LOXHD1: variants seen among roughly 807,000 people sequenced by gnomAD.
LOXHD1 encodes the protein lipoxygenase homology domain-containing protein 1.
A neutral mutation model predicts 248.2 loss-of-function variants in LOXHD1; 205 were observed. The observed-to-expected ratio is 0.83, with a 90% CI of 0.74 to 0.93. The LOEUF (loss-of-function observed/expected upper bound fraction) is 0.93, where lower values mean the gene tolerates loss of function less well. Among genes scored for constraint, LOXHD1 ranks in the 40% least tolerant of loss-of-function variants. The probability of loss-of-function intolerance (pLI) is 0.00; values close to 1 mark genes in which losing one functional copy is unlikely to be tolerated. For missense variants in LOXHD1, 2,930 were observed against 2,971.6 expected, an observed-to-expected ratio of 0.99 and a Z score of 0.33; for synonymous variants, 1,113 against 1,162.8, an observed-to-expected ratio of 0.96 and a Z score of 0.87.
chr18:46,582,946 A>G (rs1248403622), intron 12 of LOXHD1, among the ~76,000 whole-genome samples: 1 of 152,202 alleles, frequency 6.6e-6, no homozygotes. Flanking sequence ...AGGCTTTCTT[A>G]TCAGCTGGCC....
At chr18:46,559,716 A>C (rs1428433007) in intron 19 of LOXHD1, 114 bp from the exon 20 acceptor site, 2 of 1,183,170 alleles carry the variant, frequency 1.7e-6, no homozygotes, top group Non-Finnish European at 2.4e-6. Context: ...CTTCAGATGC[A>C]TCTACACTAA....
At chr18:46,594,639 C>T (rs920492737) in intron 8 of LOXHD1, among the ~76,000 whole-genome samples, 173 bp from the exon 9 acceptor site, 2 of 152,202 alleles carry the variant, frequency 1.3e-5, no homozygotes, top group African/African-American at 4.8e-5. Context: ...AATGCAACCT[C>T]CAAGGAGTCT....
At position 46,656,931 on chromosome 18, in the gene LOXHD1, G is replaced by A. The variant is rs1278346538; in HGVS notation, c.103C>T (p.Leu35=). The A allele has an allele frequency of 1.3e-6, 2 of 1,551,580 alleles. No individual in the cohort carries two copies. Among genetic ancestry groups the A allele is most frequent in the Non-Finnish European group, 1.7e-6 (2 of 1,146,922 alleles). ...CTGGCCTTGTAGTACTCGTGTTCCA[G>A]CTCCCCCTCGTCGTCCTCCGAGGCG... ...NYASEDDEGE[L]EHEYYKARVY... Residue 35 remains leucine, a synonymous_variant, in exon 1 of 41, where the codon CTG becomes TTG. Coordinates refer to ENST00000642948, the MANE Select transcript of LOXHD1 (RefSeq NM_001384474.1).
At chr18:46,593,540 G>A in intron 10 of LOXHD1, 60 bp downstream of exon 10, 1 of 1,529,634 alleles carries the variant, frequency 6.5e-7, no homozygotes, top group Non-Finnish European at 8.8e-7. Flanking sequence ...GAATCCCCAG[G>A]ACGAATGCCC....
chr18:46,623,391 C>G (rs1046471812), intron 4 of LOXHD1, among the ~76,000 whole-genome samples: 2 of 152,192 alleles, frequency 1.3e-5, no homozygotes, highest in Admixed American at 6.5e-5. Context: ...AAGCATTGAT[C>G]TGAAGAATAT....
At chr18:46,530,461 T>C (rs1424181635) in intron 28 of LOXHD1, among the ~76,000 whole-genome samples, 1 of 151,964 alleles carries the variant, frequency 6.6e-6, no homozygotes, top group East Asian at 1.9e-4. Flanking sequence ...ATGATACTTG[T>C]GTGTTGGTGG....
At chr18:46,580,215 T>C (rs1465682363) in intron 12 of LOXHD1, among the ~76,000 whole-genome samples, 1 of 152,248 alleles carries the variant, frequency 6.6e-6, no homozygotes, top group African/African-American at 2.4e-5. Flanking sequence ...TGGCCAGTGC[T>C]TGGGGACCAC....
At chr18:46,633,007 C>T (rs536668097) in intron 4 of LOXHD1, among the ~76,000 whole-genome samples, 4 of 152,242 alleles carry the variant, frequency 2.6e-5, no homozygotes, top group Admixed American at 6.5e-5. Context: ...TGAAGTCTTG[C>T]GCAAGAACTG....
chr18:46,509,919 C>T (rs1353664440), intron 34 of LOXHD1, 104 bp from the exon 35 acceptor site: 5 of 803,126 alleles, frequency 6.2e-6, no homozygotes, highest in African/African-American at 5.1e-5. Flanking sequence ...GAAGATTAGG[C>T]CTTTACTCAG....
At position 46,533,276 on chromosome 18, in the gene LOXHD1, C is replaced by A. The variant is rs1287633825; in HGVS notation, c.4261G>T (p.Glu1421Ter). The A allele has an allele frequency of 6.4e-7, 1 of 1,551,792 alleles. No individual in the cohort carries two copies. The highest frequency in any genetic ancestry group is 1.2e-5 in the South Asian group (1 of 84,064). ...TCTCGAATGGTCTTTTTGTCATCCT[C>A]AGAGGTGGCAAGCCACCGATCGCAT... ...FPCDRWLATS[E>*]DDKKTIRELV... is the part of the protein sequence containing the mutation. The change falls in exon 28 of 41, where the codon GAG becomes TAG. Residue 1421 changes from glutamate to a stop codon, truncating the protein, a stop_gained. Coordinates refer to ENST00000642948, the MANE Select transcript of LOXHD1 (RefSeq NM_001384474.1). LOFTEE classifies it high-confidence loss of function.
rs754654876 is a variant in LOXHD1, at chr18:46,524,733, C to T, written c.4715G>A (p.Arg1572Gln). 1.8e-5 allele frequency: 28 copies of T among 1,551,750 alleles called. No individual in the cohort carries two copies. The South Asian group carries it at 2.3e-4, about 13-fold the overall frequency. ...RWLSLKKEDG[R>Q]LERLFYEKEY... ...CTTCTCGTAAAAGAGCCTCTCGAGTCGCCCATCCTCCTTCTTCAGGGAGAG... is the reference window on the plus strand; with the variant it reads ...CTTCTCGTAAAAGAGCCTCTCGAGTTGCCCATCCTCCTTCTTCAGGGAGAG... The change falls in exon 30 of 41, where the codon CGA (arginine) becomes CAA (glutamine). Residue 1572 changes from arginine to glutamine, a missense_variant. Arg to Gln is a conservative substitution (Grantham distance 43). Transcript: ENST00000642948.
At chr18:46,533,782 C>G (rs1173731125) in intron 27 of LOXHD1, 5 of 285,564 alleles carry the variant, frequency 1.8e-5, no homozygotes, top group Non-Finnish European at 3.5e-5. Flanking sequence ...AAAAATTAGT[C>G]GGGCGTGGTG....
At chr18:46,642,451 C>T (rs1190083462) in intron 2 of LOXHD1, among the ~76,000 whole-genome samples, 1 of 151,954 alleles carries the variant, frequency 6.6e-6, no homozygotes, top group Non-Finnish European at 1.5e-5. Flanking sequence ...CTTCTTGCCA[C>T]TCCCCATCAC....
At chr18:46,593,571 C>G in intron 10 of LOXHD1, 29 bp downstream of exon 10, 2 of 1,549,880 alleles carry the variant, frequency 1.3e-6, no homozygotes, top group Non-Finnish European at 1.7e-6. Context: ...CCTCCTTTCT[C>G]CCTCCCATCC....
intron 7 of LOXHD1, among the ~76,000 whole-genome samples, chr18:46,603,269 G>A (rs1324944953): frequency 6.6e-6 from 1 of 152,076 alleles, no homozygotes; most frequent in Non-Finnish European, 1.5e-5. Flanking sequence ...GAGAGAGAAA[G>A]AGCAAGGCAA....
chr18:46,524,695 C>T lies in LOXHD1; in HGVS notation c.4740+13G>A. The T allele has an allele frequency of 4.5e-6, 7 of 1,551,760 alleles. No individual in the cohort carries two copies. Among genetic ancestry groups the T allele is most frequent in the East Asian group, 2.4e-5 (1 of 40,922 alleles). On this transcript the variant is annotated intron_variant, in intron 30 of 40. Transcript: ENST00000642948. ...TGAGGATGGCCACAGGCCCTATATA[C>T]CCCTTGGCTCACCTTCTCGTAAAAG...
In LOXHD1 at chr18:46,524,911, T is replaced by G. The variant is rs1598916193; in HGVS notation, c.4537A>C (p.Thr1513Pro). The G allele has an allele frequency of 1.9e-6, 3 of 1,551,646 alleles. No individual in the cohort carries two copies. Among genetic ancestry groups the G allele is most frequent in the Non-Finnish European group, 1.7e-6 (2 of 1,146,978 alleles). The change falls in exon 30 of 41, where the codon ACC becomes CCC. Residue 1513 changes from threonine (T) to proline (P), a missense_variant. Thr to Pro is a conservative substitution (Grantham distance 38, BLOSUM62 -1). Coordinates refer to ENST00000642948, the MANE Select transcript of LOXHD1 (RefSeq NM_001384474.1). ...AGGTCAGCGGCCTCGATGATGAAGGTGTCAGCCTGGGGAGCCCAGATGTGG... is the reference window on the plus strand; with the variant it reads ...AGGTCAGCGGCCTCGATGATGAAGGGGTCAGCCTGGGGAGCCCAGATGTGG... The part of the protein sequence containing the change: ...TNKFERGTAD[T>P]FIIEAADLGV...
intron 12 of LOXHD1, among the ~76,000 whole-genome samples, chr18:46,586,825 A>G (rs1461054291): frequency 6.6e-5 from 10 of 152,258 alleles, no homozygotes; most frequent in Non-Finnish European, 1.3e-4. Context: ...CTGGAATGAG[A>G]CAAATCACCA....
chr18:46,601,557 C>A lies in LOXHD1; in HGVS notation c.884-90G>T, dbSNP rs191230603. The A allele has an allele frequency of 8.0e-5, 121 of 1,511,072 alleles. 2 individuals carry two copies. In the East Asian group the frequency reaches 2.4e-3, roughly 29 times the overall value. 93.6% of individuals were successfully genotyped at this position (1,511,072 alleles called of 1,614,324 possible). A position where few individuals can be genotyped will look rare whatever the true frequency, so the allele number is the denominator to read the frequency against. ...CCTCCCCTTCCTGGTTACAACACCCCCAAAGCCCTCCTCCTCCACACATCC... is the reference window on the plus strand; with the variant it reads ...CCTCCCCTTCCTGGTTACAACACCCACAAAGCCCTCCTCCTCCACACATCC... On this transcript the variant is annotated intron_variant, in intron 7 of 40. Coordinates refer to ENST00000642948, the MANE Select transcript of LOXHD1 (RefSeq NM_001384474.1).
Sources: allele counts gnomAD v4.1 joint callset (sites outside exome capture counted in the v4.1 genomes callset), GRCh38; gene constraint gnomAD v4.1.1; transcripts MANE v1.5; gene names NCBI Gene and HGNC (gene_info 2026-07-23, HGNC 2026-07-21).